TPTE: variants seen among roughly 807,000 people sequenced by gnomAD.
TPTE encodes transmembrane phosphatase with tensin homology.
TPTE carries 59 observed loss-of-function variants against 84.1 expected under a neutral mutation model. That is an observed-to-expected ratio of 0.70 (90% CI 0.57 to 0.87). TPTE has a LOEUF of 0.87. Among genes scored for constraint, TPTE ranks in the 40% least tolerant of loss-of-function variants. The probability of loss-of-function intolerance (pLI) is 0.00; values close to 1 mark genes in which losing one functional copy is unlikely to be tolerated. For missense variants in TPTE, 382 were observed against 659.6 expected, an observed-to-expected ratio of 0.58 and a Z score of 4.61; for synonymous variants, 130 against 223.5, an observed-to-expected ratio of 0.58 and a Z score of 3.73.
intron 4 of TPTE, among the ~76,000 whole-genome samples, 181 bp downstream of exon 4, chr21:10,538,915 A>G (rs2074317057): frequency 6.6e-6 from 1 of 152,310 alleles, no homozygotes; most frequent in East Asian, 1.9e-4. Context: ...CAACAAGGAG[A>G]CAGACGGCCG....
At chr21:10,560,682 T>G (rs1462087203) in intron 9 of TPTE, among the ~76,000 whole-genome samples, 1 of 152,308 alleles carries the variant, frequency 6.6e-6, no homozygotes, top group Non-Finnish European at 1.5e-5. Context: ...GAAATTGGTA[T>G]AAACTTCTTA....
chr21:10,547,453 C>T (rs1425456266), intron 7 of TPTE, among the ~76,000 whole-genome samples: 2 of 152,304 alleles, frequency 1.3e-5, no homozygotes, highest in African/African-American at 4.8e-5. Flanking sequence ...TCCCCACCAG[C>T]CCCACTGCCA....
chr21:10,603,471 TATAAA>T, intron 22 of TPTE, 86 bp from the exon 23 acceptor site: 2 of 1,278,042 alleles, frequency 1.6e-6, no homozygotes, highest in Admixed American at 2.2e-5. Flanking sequence ...GTTTGATAAA[TATAAA>T]AAAGAATAAA....
intron 3 of TPTE, among the ~76,000 whole-genome samples, chr21:10,533,424 G>T (rs1384632106): frequency 6.6e-6 from 1 of 152,308 alleles, no homozygotes; most frequent in Non-Finnish European, 1.5e-5. Flanking sequence ...TGCTACAGTC[G>T]GTATGTTGTT....
intron 1 of TPTE, among the ~76,000 whole-genome samples, chr21:10,522,000 C>T (rs372543497): frequency 0.015 from 2,277 of 151,784 alleles, no homozygotes; most frequent in Non-Finnish European, 0.022. Context: ...AGCTCAGTCC[C>T]GGCCGCCGCC....
chr21:10,562,728 G>A (rs1443690993), intron 10 of TPTE, among the ~76,000 whole-genome samples: 1 of 152,304 alleles, frequency 6.6e-6, no homozygotes, highest in African/African-American at 2.4e-5. Context: ...AGGAGACAAA[G>A]GAAAGAATAA....
intron 5 of TPTE, among the ~76,000 whole-genome samples, chr21:10,541,515 A>T (rs1225494647): frequency 1.3e-5 from 2 of 152,302 alleles, no homozygotes; most frequent in Non-Finnish European, 2.9e-5. Context: ...CACACAAAAC[A>T]GTGACAGAGA....
intron 19 of TPTE, among the ~76,000 whole-genome samples, chr21:10,593,297 A>C (rs1279681805): frequency 6.6e-6 from 1 of 152,310 alleles, no homozygotes; most frequent in Non-Finnish European, 1.5e-5. Context: ...ACTTTTTATC[A>C]TATCTAACAA....
intron 7 of TPTE, among the ~76,000 whole-genome samples, chr21:10,546,436 C>G (rs2074469135): frequency 6.6e-6 from 1 of 152,304 alleles, no homozygotes; most frequent in Non-Finnish European, 1.5e-5. Context: ...ATGATGGTCT[C>G]TGAGTGTCCT....
At chr21:10,557,317 C>T (rs1215718005) in intron 8 of TPTE, among the ~76,000 whole-genome samples, 1 of 152,312 alleles carries the variant, frequency 6.6e-6, no homozygotes. Context: ...CTTGAAGCTT[C>T]ATTTACATAG....
chr21:10,578,814 G>A (rs1459204245), intron 17 of TPTE, among the ~76,000 whole-genome samples: 1 of 152,310 alleles, frequency 6.6e-6, no homozygotes, highest in East Asian at 1.9e-4. Flanking sequence ...AGGGAAGAAA[G>A]TAAGAAAAAA....
chr21:10,583,893 C>G (rs1439269510), intron 17 of TPTE, among the ~76,000 whole-genome samples: 64 of 152,180 alleles, frequency 4.2e-4, no homozygotes, highest in African/African-American at 1.5e-3. Flanking sequence ...GCCAATAGCA[C>G]AACTATCTTA....
intron 7 of TPTE, among the ~76,000 whole-genome samples, chr21:10,546,399 A>G (rs1298783506): frequency 2.0e-5 from 3 of 152,310 alleles, no homozygotes; most frequent in South Asian, 2.1e-4. Flanking sequence ...ACACAACAAT[A>G]TTGAAAGTAA....
chr21:10,571,097 AC>A (rs1274182084), intron 14 of TPTE, among the ~76,000 whole-genome samples: 10 of 152,384 alleles, frequency 6.6e-5, no homozygotes, highest in Non-Finnish European at 1.3e-4. Flanking sequence ...TGTTGGCAAT[AC>A]CCCATAACTA....
At chr21:10,574,139 A>T (rs2075103433) in intron 14 of TPTE, among the ~76,000 whole-genome samples, 1 of 152,312 alleles carries the variant, frequency 6.6e-6, no homozygotes, top group Non-Finnish European at 1.5e-5. Context: ...GGCTCTGTGG[A>T]TGACTAAATT....
intron 17 of TPTE, among the ~76,000 whole-genome samples, chr21:10,588,516 C>T (rs1447320049): frequency 6.6e-6 from 1 of 152,312 alleles, no homozygotes; most frequent in Non-Finnish European, 1.5e-5. Context: ...TATAGTATCT[C>T]ACAGGTGCCG....
chr21:10,535,749 T>G (rs1275581122), intron 3 of TPTE, among the ~76,000 whole-genome samples: 1 of 152,312 alleles, frequency 6.6e-6, no homozygotes, highest in East Asian at 1.9e-4. Flanking sequence ...GAAACCGTAA[T>G]GGGTTCCTCA....
chr21:10,562,062 A>G (rs1226436849), intron 10 of TPTE, among the ~76,000 whole-genome samples: 527 of 152,168 alleles, frequency 3.5e-3, no homozygotes, highest in Non-Finnish European at 5.5e-3. Context: ...TTTGTTTGGG[A>G]GAAAGTAAGG....
chr21:10,571,890 A>G (rs1392776215), intron 14 of TPTE, among the ~76,000 whole-genome samples: 1 of 152,312 alleles, frequency 6.6e-6, no homozygotes, highest in African/African-American at 2.4e-5. Flanking sequence ...CTGCCATCCA[A>G]GCTACTTGGG....
Sources: gnomAD v4.1 joint callset for allele counts (sites outside exome capture counted in the v4.1 genomes callset) on GRCh38, gnomAD v4.1.1 for gene constraint, MANE v1.5 for transcripts, NCBI Gene and HGNC (gene_info 2026-07-23, HGNC 2026-07-21) for gene names.